Variants in LRRFIP1 observed in about 807,000 individuals in gnomAD.
LRRFIP1 encodes leucine-rich repeat flightless-interacting protein 1.
Under a neutral mutation model 104.4 loss-of-function variants are expected in LRRFIP1, and 62 were observed. The observed-to-expected ratio is 0.59, with a 90% CI of 0.48 to 0.73. The LOEUF (loss-of-function observed/expected upper bound fraction) is 0.73, where lower values mean the gene tolerates loss of function less well. LRRFIP1 is among the 30% of genes least tolerant of loss of function. The pLI is 0.00. For missense variants in LRRFIP1, 796 were observed against 824.5 expected (o/e 0.97, Z 0.42); for synonymous variants, 300 against 299.0 (o/e 1.00, Z -0.03).
rs1036883484 is a variant in LRRFIP1, at chr2:237,710,283, C to CT, written c.183+1663dup. Among the ~76,000 whole-genome samples, 304 of 148,032 alleles carry CT rather than the reference C, an allele frequency of 2.1e-3. 1 individual carries two copies. Among genetic ancestry groups the CT allele is most frequent in the African/African-American group, 3.8e-3 (154 of 40,390 alleles). On this transcript the variant is annotated intron_variant, in intron 2 of 23. Transcript: ENST00000308482. The stretch of plus-strand genomic sequence containing the variant: ...TAGATAAAAACGTATTGATTGTATC[C>CT]TTTTTTTTTTCTTTTTTTGAGACAG...
rs189966362 is a variant in LRRFIP1, at chr2:237,766,237, A to G, written c.1460-3706A>G. On this transcript the variant is annotated intron_variant, in intron 19 of 23. Coordinates refer to ENST00000308482, the MANE Select transcript of LRRFIP1 (RefSeq NM_001137550.2). This position sits in a 1 kb window ranked among gnomAD's most constrained non-coding sequence, Gnocchi z 4.8. The stretch of plus-strand genomic sequence containing the variant: ...CTGCGCCACTACTTACAGTGTTTTG[A>G]AGAGCAGGATGAAAACGGCAAAAAC... 1.6e-3 allele frequency among the ~76,000 whole-genome samples: 241 copies of G among 152,302 alleles called. 1 individual carries two copies. Among genetic ancestry groups the G allele is most frequent in the African/African-American group, 5.3e-3 (219 of 41,566 alleles).
At position 237,694,802 on chromosome 2, in the gene LRRFIP1, A is replaced by T. The variant is rs553524169; in HGVS notation, c.97-13742A>T. Among the ~76,000 whole-genome samples the T allele has an allele frequency of 3.9e-5, 6 of 152,356 alleles. No individual in the cohort carries two copies. The South Asian group carries it at 1.2e-3, about 32-fold the overall frequency. On this transcript the variant is annotated intron_variant, in intron 1 of 23. Transcript: ENST00000308482. ...AGGGTCCGATGCGGACAGTGGAGACACTGTGCATTTCTGCAGCTTTTGTAA... is the reference window on the plus strand; with the variant it reads ...AGGGTCCGATGCGGACAGTGGAGACTCTGTGCATTTCTGCAGCTTTTGTAA...
intron 1 of LRRFIP1, among the ~76,000 whole-genome samples, chr2:237,628,821 C>A (rs1574967810): frequency 6.6e-6 from 1 of 152,186 alleles, no homozygotes; most frequent in East Asian, 1.9e-4. Context: ...GTTGTAAATA[C>A]CTGATTTTGC....
chr2:237,735,620 G>A lies in LRRFIP1; in HGVS notation c.555+287G>A, dbSNP rs1025947879. On this transcript the variant is annotated intron_variant, in intron 10 of 23. Transcript: ENST00000308482. This position sits in a 1 kb window ranked among gnomAD's most constrained non-coding sequence, Gnocchi z 4.6. ...AACCATACTAACAGGTGGTGAAACC[G>A]TCTTCGGTTAATAAAAACGGGAAAA... is the stretch of plus-strand genomic sequence containing the variant. 18 of 353,964 alleles carry A rather than the reference G, an allele frequency of 5.1e-5. No homozygotes were observed. Among genetic ancestry groups the A allele is most frequent in the African/African-American group, 1.3e-4 (6 of 47,572 alleles). The allele number at this position is 353,964 out of a possible 1,614,324, so 21.9% of individuals were successfully genotyped here. A position where few individuals can be genotyped will look rare whatever the true frequency, so the allele number is the denominator to read the frequency against.
chr2:237,681,443 T>A (rs1397468029), intron 1 of LRRFIP1, among the ~76,000 whole-genome samples: 1 of 152,052 alleles, frequency 6.6e-6, no homozygotes, highest in Non-Finnish European at 1.5e-5. Flanking sequence ...CTTGGCTCAC[T>A]GCAACCTCCG....
chr2:237,694,116 A>G (rs766647512), intron 1 of LRRFIP1, among the ~76,000 whole-genome samples: 7 of 152,294 alleles, frequency 4.6e-5, no homozygotes, highest in South Asian at 2.1e-4. Context: ...GCCCTGTCCA[A>G]TGGGGGGCTA....
chr2:237,676,531 A>G (rs2091185981), intron 1 of LRRFIP1, among the ~76,000 whole-genome samples: 2 of 152,126 alleles, frequency 1.3e-5, no homozygotes, highest in Non-Finnish European at 2.9e-5. Context: ...TTTGAGACAG[A>G]GACTCGCTCT....
At chr2:237,713,705 C>T (rs1201505761) in intron 2 of LRRFIP1, among the ~76,000 whole-genome samples, 1 of 152,106 alleles carries the variant, frequency 6.6e-6, no homozygotes. Context: ...TAAAAGAAAC[C>T]TCTGAAGCAA....
intron 11 of LRRFIP1, among the ~76,000 whole-genome samples, chr2:237,742,141 A>C (rs1477458058): frequency 6.6e-6 from 1 of 152,216 alleles, no homozygotes; most frequent in Non-Finnish European, 1.5e-5. Context: ...TGTTTTCTAA[A>C]TTTGTATAAA....
In LRRFIP1 at chr2:237,720,919, C is replaced by T. The variant is rs111989333; in HGVS notation, c.345+97C>T. On this transcript the variant is annotated intron_variant, in intron 6 of 23. Transcript: ENST00000308482. ...ATTCTGATTTCTTCTTCATTATCCCCGTGGTCTGATAGTCAATATTTAACC... is the reference window on the plus strand; with the variant it reads ...ATTCTGATTTCTTCTTCATTATCCCTGTGGTCTGATAGTCAATATTTAACC... 1.2e-3 allele frequency: 1,307 copies of T among 1,087,820 alleles called. 7 individuals are homozygous for T. The African/African-American group carries it at 0.016, about 14-fold the overall frequency. 67.4% of individuals were successfully genotyped at this position (1,087,820 alleles called of 1,614,324 possible).
rs1243879843 is a variant in LRRFIP1 at position 237,719,640 on chromosome 2, T to A, written c.294+73T>A. 1.1e-5 allele frequency: 11 copies of A among 996,100 alleles called. No homozygotes were observed. In the African/African-American group the frequency reaches 1.8e-4, roughly 16 times the overall value. 61.7% of individuals were successfully genotyped at this position (996,100 alleles called of 1,614,324 possible). ...ATTTATGCTTGCAGTGGCTGAAGTATATATAATATATTCAATCTCTTAATG... is the reference window on the plus strand; with the variant it reads ...ATTTATGCTTGCAGTGGCTGAAGTAAATATAATATATTCAATCTCTTAATG... On this transcript the variant is annotated intron_variant, in intron 5 of 23. Coordinates refer to ENST00000308482, the MANE Select transcript of LRRFIP1 (RefSeq NM_001137550.2).
At chr2:237,662,248 C>A (rs983240152) in intron 1 of LRRFIP1, among the ~76,000 whole-genome samples, 14 of 152,172 alleles carry the variant, frequency 9.2e-5, no homozygotes, top group Non-Finnish European at 1.6e-4. Context: ...ATTTCTGTTT[C>A]CTTATAAGAA....
chr2:237,751,152 C>A, intron 13 of LRRFIP1, 48 bp from the exon 14 acceptor site: 2 of 1,295,200 alleles, frequency 1.5e-6, no homozygotes, highest in South Asian at 1.3e-5. Flanking sequence ...TTTAGGGAAT[C>A]ACCTGTTTTC....
intron 1 of LRRFIP1, among the ~76,000 whole-genome samples, chr2:237,673,830 C>T (rs146789649): frequency 2.6e-5 from 4 of 152,108 alleles, no homozygotes; most frequent in Non-Finnish European, 1.5e-5. Flanking sequence ...GACTCGATGA[C>T]GGGCGGAGAG....
intron 6 of LRRFIP1, among the ~76,000 whole-genome samples, chr2:237,722,500 A>G (rs1029355621): frequency 5.3e-5 from 8 of 152,184 alleles, no homozygotes; most frequent in African/African-American, 1.9e-4. Flanking sequence ...AATAAGTTGC[A>G]TCTTTCTGCT....
At chr2:237,673,454 C>G (rs1299285605) in intron 1 of LRRFIP1, among the ~76,000 whole-genome samples, 1 of 152,242 alleles carries the variant, frequency 6.6e-6, no homozygotes, top group Non-Finnish European at 1.5e-5. Flanking sequence ...CACCTCTGCA[C>G]TTCCCTCTGG....
intron 13 of LRRFIP1, among the ~76,000 whole-genome samples, chr2:237,750,104 T>C (rs2058391505): frequency 6.6e-6 from 1 of 152,106 alleles, no homozygotes; most frequent in African/African-American, 2.4e-5. Context: ...CAACTTCCAC[T>C]GGGGATGTCT....
intron 19 of LRRFIP1, among the ~76,000 whole-genome samples, chr2:237,760,681 T>C (rs886402575): frequency 6.6e-6 from 1 of 152,156 alleles, no homozygotes; most frequent in Non-Finnish European, 1.5e-5. Flanking sequence ...TTCAGCGCTT[T>C]GAGGGTACGG....
rs10175495 is a variant in LRRFIP1, at chr2:237,764,919, T to A, written c.1459+4714T>A. On this transcript the variant is annotated intron_variant, in intron 19 of 23. Transcript: ENST00000308482. ...AAAGTTTTTTTCTGGAAGTGATATA[T>A]GTCAAATTACATTTCCTACTGCAGT... is the stretch of plus-strand genomic sequence containing the variant. 5,215 of 985,638 alleles carry A rather than the reference T, an allele frequency of 5.3e-3. 202 individuals are homozygous for A. The African/African-American group carries it at 0.08, about 15-fold the overall frequency. 61.1% of individuals were successfully genotyped at this position (985,638 alleles called of 1,614,324 possible).
Sources: allele counts gnomAD v4.1 joint callset (sites outside exome capture counted in the v4.1 genomes callset), GRCh38; gene constraint gnomAD v4.1.1; non-coding constraint Gnocchi (gnomAD v3.1); transcripts MANE v1.5; gene names NCBI Gene and HGNC (gene_info 2026-07-23, HGNC 2026-07-21).